Variants in OPHN1 observed in about 807,000 individuals in gnomAD.
The protein encoded by OPHN1 is oligophrenin 1.
Under a neutral mutation model 60.7 loss-of-function variants are expected in OPHN1, and 11 were observed. That is an observed-to-expected ratio of 0.18 (90% CI 0.11 to 0.30). The LOEUF (loss-of-function observed/expected upper bound fraction) is 0.30. OPHN1 is among the 10% of genes least tolerant of loss of function. The pLI is 1.00. For synonymous variants in OPHN1, 226 were observed against 222.6 expected (o/e 1.02, Z -0.14); for missense variants, 449 against 611.0 (o/e 0.73, Z 2.80).
chrX:68,235,721 G>A (rs979672551), intron 5 of OPHN1, among the ~76,000 whole-genome samples: 13 of 108,934 alleles, frequency 1.2e-4, no homozygotes, highest in African/African-American at 4.0e-4. Flanking sequence ...AGCTGGGCTT[G>A]GTGGTGCACG....
intron 4 of OPHN1, among the ~76,000 whole-genome samples, chrX:68,277,723 G>A (rs1002578356): frequency 1.3e-4 from 15 of 111,679 alleles, no homozygotes; most frequent in South Asian, 3.8e-4. Context: ...CCCAGGAGGC[G>A]GAGGTTGCAG....
chrX:68,199,020 A>G (rs766988876), intron 11 of OPHN1, among the ~76,000 whole-genome samples: 27 of 112,300 alleles, frequency 2.4e-4, no homozygotes, highest in African/African-American at 8.7e-4. Context: ...CACCTCCCTC[A>G]TGTGACTGTG....
chrX:68,232,523 C>A (rs899411663), intron 6 of OPHN1, among the ~76,000 whole-genome samples: 1 of 111,454 alleles, frequency 9.0e-6, no homozygotes, highest in East Asian at 2.8e-4. Context: ...GGTTTTACTG[C>A]GGGGCTAGTT....
chrX:68,348,108 T>C (rs757501260), intron 2 of OPHN1, among the ~76,000 whole-genome samples: 8 of 111,926 alleles, frequency 7.1e-5, no homozygotes, highest in Admixed American at 1.9e-4. Flanking sequence ...ATGAGTTATC[T>C]GAAAATGACA....
intron 2 of OPHN1, among the ~76,000 whole-genome samples, chrX:68,333,577 G>A (rs2078306155): frequency 9.0e-6 from 1 of 110,920 alleles, no homozygotes; most frequent in Non-Finnish European, 1.9e-5. Context: ...GGAGGTTGCT[G>A]TGAGCTGAAA....
chrX:68,172,779 G>A (rs1232326711), intron 15 of OPHN1, among the ~76,000 whole-genome samples: 1 of 110,847 alleles, frequency 9.0e-6, no homozygotes, highest in African/African-American at 3.3e-5. Context: ...AACCCCAAGT[G>A]GAAACAACAC....
At chrX:68,061,841 T>A (rs1223559036) in intron 21 of OPHN1, among the ~76,000 whole-genome samples, 1 of 111,004 alleles carries the variant, frequency 9.0e-6, no homozygotes, top group Non-Finnish European at 1.9e-5. Flanking sequence ...CTTGTAGAAA[T>A]TGTACTGGAC....
chrX:68,173,493 T>C (rs1009127468), intron 15 of OPHN1, among the ~76,000 whole-genome samples: 2 of 111,033 alleles, frequency 1.8e-5, no homozygotes, highest in African/African-American at 3.3e-5. Context: ...TAATTTCTGG[T>C]GAGAAAGACA....
rs1180202812 is a variant in OPHN1 at position 68,044,944 on chromosome X, T to C, written c.*2228A>G. ...AATGTTTGCATCGGTGATTGTGGTA[T>C]TTTCCCCCAAGAAAACCAGAGTCAA... On this transcript the variant is annotated 3_prime_UTR_variant, in exon 25 of 25. Coordinates refer to ENST00000355520, the MANE Select transcript of OPHN1 (RefSeq NM_002547.3). 1 of 111,909 alleles carries C rather than the reference T, an allele frequency of 8.9e-6. No individual in the cohort carries two copies. Among genetic ancestry groups the C allele is most frequent in the African/African-American group, 3.2e-5 (1 of 30,783 alleles). 9.2% of individuals were successfully genotyped at this position (111,909 alleles called of 1,213,427 possible).
chrX:68,050,981 A>T (rs186918028), intron 23 of OPHN1, among the ~76,000 whole-genome samples: 22 of 112,082 alleles, frequency 2.0e-4, no homozygotes. Flanking sequence ...TTCATCTGCT[A>T]TGGTAGAATG....
At chrX:68,169,643 T>A (rs2077379364) in intron 15 of OPHN1, among the ~76,000 whole-genome samples, 1 of 109,852 alleles carries the variant, frequency 9.1e-6, no homozygotes. Context: ...TACAACTATC[T>A]GATCTTTGAC....
At chrX:68,353,697 GATA>G (rs2078425660) in intron 2 of OPHN1, among the ~76,000 whole-genome samples, 1 of 111,725 alleles carries the variant, frequency 9.0e-6, no homozygotes, top group African/African-American at 3.2e-5. Context: ...TCAAGAAAAT[GATA>G]ATACCTTATA....
Position 68,073,290 on chromosome X carries a change from C to A in OPHN1, c.1696G>T (p.Gly566Cys). 8.3e-7 allele frequency: 1 copy of A among 1,200,469 alleles called. No individual in the cohort carries two copies. Among genetic ancestry groups the A allele is most frequent in the Non-Finnish European group, 1.1e-6 (1 of 889,366 alleles). Residue 566 changes from glycine to cysteine, a missense_variant, in exon 20 of 25, where the codon GGT becomes TGT. Gly to Cys is a radical substitution (Grantham distance 159). This residue lies in a region of OPHN1 where 166 missense variants were observed against 278.4 expected (regional missense o/e 0.60). Transcript: ENST00000355520. The stretch of plus-strand genomic sequence containing the variant: ...GGTGCAGCGCTTTCCTCAGGTGGAC[C>A]TAAATAGATCTGTGGAGAAAGAAGG... The part of the protein sequence containing the change: ...LIEHFGKIYL[G>C]PPEESAAPPV...
At chrX:68,423,305 A>G (rs2078839407) in intron 2 of OPHN1, among the ~76,000 whole-genome samples, 1 of 111,747 alleles carries the variant, frequency 8.9e-6, no homozygotes, top group Non-Finnish European at 1.9e-5. Flanking sequence ...GATTACAGGC[A>G]TGAGCCACCG....
intron 6 of OPHN1, among the ~76,000 whole-genome samples, chrX:68,225,639 A>G (rs1423434658): frequency 2.7e-5 from 3 of 112,347 alleles, no homozygotes; most frequent in Non-Finnish European, 3.8e-5. Context: ...AGCAAACTCC[A>G]ACAGACCTGC....
At chrX:68,343,465 A>C (rs752865130) in intron 2 of OPHN1, among the ~76,000 whole-genome samples, 1 of 110,423 alleles carries the variant, frequency 9.1e-6, no homozygotes, top group East Asian at 2.9e-4. Flanking sequence ...CCTAGGTGAC[A>C]AAAGCAAAAC....
At chrX:68,346,527 T>C (rs2078379907) in intron 2 of OPHN1, among the ~76,000 whole-genome samples, 1 of 112,168 alleles carries the variant, frequency 8.9e-6, no homozygotes, top group Non-Finnish European at 1.9e-5. Context: ...AGACCTCTCT[T>C]GGAATACAGC....
intron 15 of OPHN1, among the ~76,000 whole-genome samples, chrX:68,183,143 C>T (rs1005486995): frequency 8.9e-6 from 1 of 111,882 alleles, no homozygotes; most frequent in Non-Finnish European, 1.9e-5. Context: ...AGAAATTCTA[C>T]TCAAGATGCT....
intron 15 of OPHN1, among the ~76,000 whole-genome samples, chrX:68,149,456 C>T (rs766747725): frequency 9.0e-5 from 10 of 111,422 alleles, no homozygotes; most frequent in Non-Finnish European, 1.3e-4. Context: ...TTTATATATA[C>T]CCTGTCTTCT....
Sources: gnomAD v4.1 joint callset for allele counts (sites outside exome capture counted in the v4.1 genomes callset) on GRCh38, gnomAD v4.1.1 for gene constraint, gnomAD v4.1.1 regional missense constraint, MANE v1.5 for transcripts, NCBI Gene and HGNC (gene_info 2026-07-23, HGNC 2026-07-21) for gene names.